OPCML: variants seen among roughly 807,000 people sequenced by gnomAD.
OPCML encodes opioid binding protein/cell adhesion molecule like, also known as opioid-binding protein/cell adhesion molecule.
Under a neutral mutation model 37.8 loss-of-function variants are expected in OPCML, and 13 were observed. The ratio of observed to expected loss-of-function variants is 0.34; its 90% CI spans 0.22 to 0.55. The LOEUF (loss-of-function observed/expected upper bound fraction) is 0.55. OPCML is among the 20% of genes least tolerant of loss of function. The pLI is 0.91. For missense variants in OPCML, 341 were observed against 435.6 expected (o/e 0.78, Z 1.93); for synonymous variants, 176 against 168.8 (o/e 1.04, Z -0.33).
intron 2 of OPCML, among the ~76,000 whole-genome samples, chr11:132,704,383 G>T (rs1340785584): frequency 1.3e-5 from 2 of 152,104 alleles, no homozygotes; most frequent in South Asian, 4.1e-4. Flanking sequence ...TTGGATAAAA[G>T]AAATTATGGG....
intron 1 of OPCML, among the ~76,000 whole-genome samples, chr11:133,377,627 A>AAAAAAAAAAAAAAAAAAAAT (rs1944840557): frequency 6.6e-6 from 1 of 150,868 alleles, no homozygotes; most frequent in African/African-American, 2.4e-5. Context: ...AAAAAAAAAA[A>AAAAAAAAAAAAAAAAAAAAT]GAGCACCAAG....
chr11:133,510,194 A>C (rs1261593585), intron 1 of OPCML, among the ~76,000 whole-genome samples: 1 of 152,196 alleles, frequency 6.6e-6, no homozygotes, highest in East Asian at 1.9e-4. Context: ...ACCACCCAGG[A>C]GGCCCCTTGA....
At chr11:133,289,036 T>C (rs1354716704) in intron 1 of OPCML, among the ~76,000 whole-genome samples, 2 of 152,124 alleles carry the variant, frequency 1.3e-5, no homozygotes, top group Non-Finnish European at 2.9e-5. Context: ...CTGAGGGCCC[T>C]GGGACATGGG....
chr11:132,605,084 G>A (rs1420827156), intron 3 of OPCML, among the ~76,000 whole-genome samples: 7 of 152,134 alleles, frequency 4.6e-5, no homozygotes, highest in Non-Finnish European at 7.4e-5. Context: ...GCAGTCACAC[G>A]CCAGCTGTGT....
intron 1 of OPCML, among the ~76,000 whole-genome samples, chr11:133,524,455 T>G (rs1463438286): frequency 1.3e-5 from 2 of 152,218 alleles, no homozygotes; most frequent in East Asian, 3.9e-4. Context: ...AATTCTCCTT[T>G]TGATTGGTAC....
Position 132,604,023 on chromosome 11 carries a change from C to T in OPCML, c.379+53064G>A, listed in dbSNP as rs1938105239. 1.3e-5 allele frequency among the ~76,000 whole-genome samples: 2 copies of T among 152,126 alleles called. 1 individual carries two copies. Among genetic ancestry groups the T allele is most frequent in the South Asian group, 4.1e-4 (2 of 4,824 alleles). ...AAAGCCAACTCCACCAGGTCAGGGC[C>T]TTTATCTCCCTCGCCATTTCATGCT... On this transcript the variant is annotated intron_variant, in intron 3 of 7. Coordinates refer to ENST00000524381, the MANE Select transcript of OPCML (RefSeq NM_001012393.5).
intron 2 of OPCML, among the ~76,000 whole-genome samples, chr11:132,860,934 C>CA (rs765734341): frequency 2.0e-5 from 3 of 152,012 alleles, no homozygotes; most frequent in African/African-American, 4.8e-5. Context: ...CTTTTTGTAA[C>CA]AAAAAAGATT....
intron 4 of OPCML, among the ~76,000 whole-genome samples, chr11:132,453,688 C>A (rs1041701996): frequency 3.3e-5 from 5 of 152,188 alleles, no homozygotes; most frequent in African/African-American, 1.2e-4. Flanking sequence ...AGAGCAGATA[C>A]TATTTAGCTG....
At chr11:133,100,337 TA>T (rs1418563964) in intron 1 of OPCML, among the ~76,000 whole-genome samples, 1 of 152,106 alleles carries the variant, frequency 6.6e-6, no homozygotes, top group Non-Finnish European at 1.5e-5. Flanking sequence ...TATAAAAAAG[TA>T]AAAGGCTAAG....
intron 2 of OPCML, among the ~76,000 whole-genome samples, chr11:132,811,806 A>C (rs1345164354): frequency 1.3e-5 from 2 of 152,216 alleles, no homozygotes; most frequent in African/African-American, 4.8e-5. Flanking sequence ...ATCATACCCT[A>C]GTTTAAAAGC....
chr11:133,521,285 T>A (rs1297918645), intron 1 of OPCML, among the ~76,000 whole-genome samples: 2 of 152,196 alleles, frequency 1.3e-5, no homozygotes, highest in African/African-American at 4.8e-5. Flanking sequence ...ACTTGGCTCA[T>A]AAGCTGTGAG....
intron 2 of OPCML, among the ~76,000 whole-genome samples, chr11:132,723,457 C>T (rs960339070): frequency 1.3e-5 from 2 of 152,140 alleles, no homozygotes; most frequent in South Asian, 2.1e-4. Flanking sequence ...CAATATATAC[C>T]TGCCTCTGAG....
At chr11:132,714,773 G>A (rs1055566081) in intron 2 of OPCML, among the ~76,000 whole-genome samples, 10 of 152,144 alleles carry the variant, frequency 6.6e-5, no homozygotes, top group East Asian at 1.9e-4. Flanking sequence ...TTTTCCATTC[G>A]ACAGGTGATA....
At chr11:133,339,898 C>T (rs544632680) in intron 1 of OPCML, among the ~76,000 whole-genome samples, 7 of 152,162 alleles carry the variant, frequency 4.6e-5, no homozygotes, top group South Asian at 4.1e-4. Context: ...TACATGGCTC[C>T]TGAGAACATC....
At chr11:133,170,149 C>T (rs1950268528) in intron 1 of OPCML, among the ~76,000 whole-genome samples, 1 of 152,172 alleles carries the variant, frequency 6.6e-6, no homozygotes, top group Admixed American at 6.5e-5. Flanking sequence ...TCTGTCTACC[C>T]ATCCATCTAT....
chr11:133,357,563 A>G (rs998743500), intron 1 of OPCML, among the ~76,000 whole-genome samples: 2 of 152,192 alleles, frequency 1.3e-5, no homozygotes, highest in African/African-American at 4.8e-5. Context: ...TTTTTAATCT[A>G]GTCTTCTCAA....
At chr11:133,507,872 G>A (rs765237820) in intron 1 of OPCML, among the ~76,000 whole-genome samples, 12 of 151,654 alleles carry the variant, frequency 7.9e-5, no homozygotes, top group East Asian at 5.8e-4. Context: ...ACTTTAACCC[G>A]GGAGGCAGAG....
At chr11:132,994,975 A>G (rs1177074999) in intron 1 of OPCML, among the ~76,000 whole-genome samples, 1 of 152,236 alleles carries the variant, frequency 6.6e-6, no homozygotes, top group Non-Finnish European at 1.5e-5. Context: ...AAAAGGACGA[A>G]TAACTCCTTA....
intron 1 of OPCML, among the ~76,000 whole-genome samples, chr11:132,970,588 T>C (rs1448331304): frequency 2.0e-5 from 3 of 152,160 alleles, no homozygotes; most frequent in Non-Finnish European, 2.9e-5. Flanking sequence ...TAATAAAACT[T>C]TACTTTTTTT....
Sources: allele counts gnomAD v4.1 joint callset (sites outside exome capture counted in the v4.1 genomes callset), GRCh38; gene constraint gnomAD v4.1.1; transcripts MANE v1.5; gene names NCBI Gene and HGNC (gene_info 2026-07-23, HGNC 2026-07-21).